The following RFC3 variants were observed in gnomAD, a reference collection of about 807,000 sequenced individuals.
The protein encoded by RFC3 is replication factor C subunit 3, also known as A1 38 kDa subunit.
A neutral mutation model predicts 45.1 loss-of-function variants in RFC3; 41 were observed. The ratio of observed to expected loss-of-function variants is 0.91; its 90% CI spans 0.71 to 1.18. The LOEUF is 1.18. RFC3 is among the 50% of genes most tolerant of loss of function. RFC3 has a pLI of 0.00. For missense variants in RFC3, 423 were observed against 428.1 expected (o/e 0.99, Z 0.10); for synonymous variants, 149 against 144.0 (o/e 1.03, Z -0.25).
intron 8 of RFC3, among the ~76,000 whole-genome samples, chr13:33,959,741 C>A (rs1448204999): frequency 1.1e-4 from 17 of 152,136 alleles, no homozygotes; most frequent in Non-Finnish European, 8.8e-5. Context: ...TGGCTTTATA[C>A]CTTGCACCCA....
At chr13:33,970,761 G>T (rs571547058), downstream of RFC3, among the ~76,000 whole-genome samples, 2 of 152,356 alleles carry the variant, frequency 1.3e-5, no homozygotes, top group Admixed American at 6.5e-5. Context: ...CTCACTGGTG[G>T]TCCTGCTGAG....
chr13:33,836,452 A>G lies in RFC3; in HGVS notation c.*157A>G. ...TGAACTATTAATCATCCTCTGAGTTAAATAATTGCTCCTATACTATTGAAG... is the reference window on the plus strand; with the variant it reads ...TGAACTATTAATCATCCTCTGAGTTGAATAATTGCTCCTATACTATTGAAG... On this transcript the variant is annotated 3_prime_UTR_variant, in exon 9 of 9. Coordinates refer to ENST00000380071, the MANE Select transcript of RFC3 (RefSeq NM_002915.4). 7.0e-7 allele frequency: 1 copy of G among 1,434,088 alleles called. No individual in the cohort carries two copies. Among genetic ancestry groups the G allele is most frequent in the Non-Finnish European group, 9.1e-7 (1 of 1,096,300 alleles). The allele number at this position is 1,434,088 out of a possible 1,614,324, so 88.8% of individuals were successfully genotyped here. A position where few individuals can be genotyped will look rare whatever the true frequency, so the allele number is the denominator to read the frequency against.
intron 3 of RFC3, among the ~76,000 whole-genome samples, chr13:33,825,491 C>T (rs3135575): frequency 5.3e-5 from 8 of 152,012 alleles, no homozygotes; most frequent in Admixed American, 1.3e-4. Context: ...TTTCTATAGT[C>T]GGTACAGAAG....
intron 8 of RFC3, among the ~76,000 whole-genome samples, chr13:33,946,106 T>C (rs1275393628): frequency 6.6e-6 from 1 of 152,226 alleles, no homozygotes; most frequent in Non-Finnish European, 1.5e-5. Context: ...GTTTCTAAAA[T>C]GGCCAATAGG....
intron 8 of RFC3, among the ~76,000 whole-genome samples, chr13:33,914,298 A>C (rs1292097853): frequency 6.6e-6 from 1 of 152,138 alleles, no homozygotes; most frequent in East Asian, 1.9e-4. Context: ...AAGGAAGATG[A>C]GCATTTGAAA....
At chr13:33,977,077 T>A in the RFC3 span, among the ~76,000 whole-genome samples, 1 of 152,150 alleles carries the variant, frequency 6.6e-6, no homozygotes, top group Non-Finnish European at 1.5e-5. Flanking sequence ...TGAGGGACAT[T>A]CTGCAAAATT....
chr13:33,821,182 T>C lies in RFC3; in HGVS notation c.138T>C (p.Ala46=), dbSNP rs773850775. The stretch of plus-strand genomic sequence containing the variant: ...TGTTAGTGTACGGACCATCAGGTGC[T>C]GGAAAAAAGACAAGAATTATGTGTA... The part of the protein sequence containing the change: ...PHLLVYGPSG[A]GKKTRIMCIL... The change falls in exon 2 of 9, where the codon GCT becomes GCC. Residue 46 remains alanine (A), a synonymous_variant. Transcript: ENST00000380071. The C allele has an allele frequency of 6.2e-7, 1 of 1,613,776 alleles. No individual in the cohort carries two copies. The highest frequency in any genetic ancestry group is 1.1e-5 in the South Asian group (1 of 91,076).
intron 8 of RFC3, among the ~76,000 whole-genome samples, chr13:33,930,762 A>G (rs2082846880): frequency 6.6e-6 from 1 of 152,110 alleles, no homozygotes; most frequent in African/African-American, 2.4e-5. Flanking sequence ...CTTACTAATT[A>G]TATGTATCGA....
intron 8 of RFC3, among the ~76,000 whole-genome samples, chr13:33,941,287 G>C (rs1262024814): frequency 6.6e-6 from 1 of 151,186 alleles, no homozygotes; most frequent in Non-Finnish European, 1.5e-5. Context: ...ACCCTTCAAT[G>C]TGTCTGCGCA....
chr13:33,958,789 C>CTGGCTGCCCTCTGCATCT (rs2083038432), intron 8 of RFC3, among the ~76,000 whole-genome samples: 1 of 152,138 alleles, frequency 6.6e-6, no homozygotes, highest in African/African-American at 2.4e-5. Flanking sequence ...CATGAGCATC[C>CTGGCTGCCCTCTGCATCT]TGGCTGCCCT....
chr13:33,869,552 T>G (rs1006416540), intron 8 of RFC3, among the ~76,000 whole-genome samples: 1 of 152,198 alleles, frequency 6.6e-6, no homozygotes, highest in African/African-American at 2.4e-5. Context: ...AAGAAAGATA[T>G]TGTTGAATGT....
At chr13:33,833,988 AAGAT>A (rs1434405016) in intron 7 of RFC3, among the ~76,000 whole-genome samples, 1 of 152,098 alleles carries the variant, frequency 6.6e-6, no homozygotes, top group Admixed American at 6.6e-5. Flanking sequence ...TGGAGTAAGA[AAGAT>A]AGATCTGTGT....
rs993183340 is a variant in RFC3, at chr13:33,909,153, A to G, written c.880-56934A>G. Among the ~76,000 whole-genome samples the G allele has an allele frequency of 3.3e-5, 5 of 152,216 alleles. No homozygotes were observed. In the South Asian group the frequency reaches 6.2e-4, roughly 19 times the overall value. ...CTAAAAGATGTTGAAACTACCTGTA[A>G]TATACATTTTTTTTTTCAGGCGAGA... On this transcript the variant is annotated intron_variant, in intron 8 of 8. Coordinates refer to the RFC3 transcript ENST00000434425.
rs1311583860 is a variant in RFC3, at chr13:33,830,004, C to T, written c.560C>T (p.Pro187Leu). The change falls in exon 5 of 9, where the codon CCC becomes CTC. Residue 187 changes from proline (P) to leucine (L), a missense_variant. Pro to Leu is a moderately conservative substitution (Grantham distance 98). Coordinates refer to ENST00000380071, the MANE Select transcript of RFC3 (RefSeq NM_002915.4). Reference protein sequence around the residue: ...SRCLAVRVPAPSIEDICHVLS... With the variant: ...SRCLAVRVPALSIEDICHVLS... The stretch of plus-strand genomic sequence containing the variant: ...TGCTTGGCGGTTCGTGTGCCTGCTC[C>T]CAGCATTGAAGATGTAGGTCAAGTT... 2 of 1,613,782 alleles carry T rather than the reference C, an allele frequency of 1.2e-6. No individual in the cohort carries two copies. Among genetic ancestry groups the T allele is most frequent in the South Asian group, 1.1e-5 (1 of 91,044 alleles).
intron 8 of RFC3, among the ~76,000 whole-genome samples, chr13:33,945,595 T>A (rs1160023965): frequency 6.6e-6 from 1 of 152,162 alleles, no homozygotes; most frequent in Non-Finnish European, 1.5e-5. Flanking sequence ...TATGATGTTT[T>A]TAATTTCTCA....
At chr13:33,834,494 G>T (rs1357375765) in intron 7 of RFC3, among the ~76,000 whole-genome samples, 1 of 150,690 alleles carries the variant, frequency 6.6e-6, no homozygotes, top group Non-Finnish European at 1.5e-5. Flanking sequence ...GGACTCAGAG[G>T]TTTGAATGTT....
chr13:33,960,484 C>T (rs1165885862), intron 8 of RFC3, among the ~76,000 whole-genome samples: 1 of 152,134 alleles, frequency 6.6e-6, no homozygotes, highest in Non-Finnish European at 1.5e-5. Flanking sequence ...ATTGTTAGGC[C>T]CATCTGACAC....
chr13:33,947,625 G>A (rs1454728541), intron 8 of RFC3, among the ~76,000 whole-genome samples: 1 of 152,140 alleles, frequency 6.6e-6, no homozygotes, highest in African/African-American at 2.4e-5. Context: ...CTAGCTTGGA[G>A]GACTCAGAAG....
intron 8 of RFC3, among the ~76,000 whole-genome samples, chr13:33,951,233 A>ATTTTTTTTTTTTTTTTTTTTTTTTTTTTT (rs11336021): frequency 7.5e-6 from 1 of 134,158 alleles, no homozygotes; most frequent in African/African-American, 2.7e-5. Flanking sequence ...CTATAAGTAC[A>ATTTTTTTTTTTTTTTTTTTTTTTTTTTTT]TTTTTTTTTT....
Sources: gnomAD v4.1 joint callset for allele counts (sites outside exome capture counted in the v4.1 genomes callset) on GRCh38, gnomAD v4.1.1 for gene constraint, MANE v1.5 for transcripts, NCBI Gene and HGNC (gene_info 2026-07-23, HGNC 2026-07-21) for gene names.